Variants in TCERG1L observed in about 807,000 individuals in gnomAD.
TCERG1L encodes the protein transcription elongation regulator 1-like protein.
Under a neutral mutation model 56.3 loss-of-function variants are expected in TCERG1L, and 37 were observed. The ratio of observed to expected loss-of-function variants is 0.66; its 90% CI spans 0.51 to 0.87. The LOEUF (loss-of-function observed/expected upper bound fraction) is 0.87. Ranked by LOEUF, TCERG1L falls within the 40% of genes least tolerant of loss-of-function variation. TCERG1L has a pLI of 0.00. For missense variants in TCERG1L, 799 were observed against 774.2 expected (o/e 1.03, Z -0.38); for synonymous variants, 324 against 326.3 (o/e 0.99, Z 0.08).
intron 4 of TCERG1L, among the ~76,000 whole-genome samples, chr10:131,239,981 G>GAA (rs1845953521): frequency 6.6e-6 from 1 of 152,140 alleles, no homozygotes; most frequent in East Asian, 1.9e-4. Context: ...CTATCTGCTT[G>GAA]TTCAGGCACA....
chr10:131,225,878 C>G lies in TCERG1L; in HGVS notation c.856+34381G>C, dbSNP rs78645581. Among the ~76,000 whole-genome samples the G allele has an allele frequency of 9.4e-3, 1,430 of 152,262 alleles. 30 individuals are homozygous for G. The highest frequency in any genetic ancestry group is 0.076 in the East Asian group (393 of 5,168). ...TTCAGTCATCTTAATGATATGAAAC[C>G]ACTTGAAAAATACACATCTCAGAGC... On this transcript the variant is annotated intron_variant, in intron 4 of 11. Coordinates refer to ENST00000368642, the MANE Select transcript of TCERG1L (RefSeq NM_174937.4).
chr10:131,205,247 T>C (rs1349330955), intron 4 of TCERG1L, among the ~76,000 whole-genome samples: 1 of 152,100 alleles, frequency 6.6e-6, no homozygotes, highest in East Asian at 1.9e-4. Context: ...AATTAACCAG[T>C]GACGTGCACG....
intron 4 of TCERG1L, among the ~76,000 whole-genome samples, chr10:131,198,536 A>G (rs1408389971): frequency 2.0e-5 from 3 of 152,238 alleles, no homozygotes; most frequent in Non-Finnish European, 4.4e-5. Context: ...CACCGTCCGG[A>G]GGCTGGGAAG....
At chr10:131,227,048 G>A (rs1158408605) in intron 4 of TCERG1L, among the ~76,000 whole-genome samples, 1 of 152,254 alleles carries the variant, frequency 6.6e-6, no homozygotes, top group African/African-American at 2.4e-5. Context: ...ACAACAGCAA[G>A]GCTGAAAATC....
intron 3 of TCERG1L, among the ~76,000 whole-genome samples, chr10:131,293,759 T>C (rs147205133): frequency 1.3e-5 from 2 of 152,364 alleles, no homozygotes; most frequent in East Asian, 3.9e-4. Flanking sequence ...AAGCCACATT[T>C]CATGTTTCTT....
At chr10:131,121,826 G>T (rs1228089599) in intron 8 of TCERG1L, among the ~76,000 whole-genome samples, 1 of 152,200 alleles carries the variant, frequency 6.6e-6, no homozygotes, top group African/African-American at 2.4e-5. Flanking sequence ...GTGATGAGCT[G>T]TGAGGCCCAG....
intron 3 of TCERG1L, among the ~76,000 whole-genome samples, chr10:131,262,765 C>G (rs764534100): frequency 1.3e-5 from 2 of 152,146 alleles, no homozygotes; most frequent in Non-Finnish European, 2.9e-5. Context: ...ATTGTACCAC[C>G]ACTGTGGTAT....
chr10:131,204,566 T>C (rs1057143762), intron 4 of TCERG1L, among the ~76,000 whole-genome samples: 2 of 152,216 alleles, frequency 1.3e-5, no homozygotes, highest in Admixed American at 1.3e-4. Context: ...CCAGCAGCGG[T>C]GGCCACAGTC....
At chr10:131,259,451 A>G (rs1846210275) in intron 4 of TCERG1L, among the ~76,000 whole-genome samples, 1 of 152,196 alleles carries the variant, frequency 6.6e-6, no homozygotes, top group Admixed American at 6.5e-5. Flanking sequence ...TGTCATTCCA[A>G]ATTAATGGTG....
In TCERG1L at chr10:131,309,252, G is replaced by C; in HGVS notation, c.390C>G (p.Ser130=). ...GGAAGACGGGCACCAGCTCCACTGTGGAAGAGGGGGGCAGTCCTAGGGACG... is the reference window on the plus strand; with the variant it reads ...GGAAGACGGGCACCAGCTCCACTGTCGAAGAGGGGGGCAGTCCTAGGGACG... ...HSPSLGLPPS[S]TVELVPVFPH... Residue 130 remains serine, a synonymous_variant, in exon 2 of 12, where the codon TCC becomes TCG. Transcript: ENST00000368642. 6.2e-7 allele frequency: 1 copy of C among 1,604,990 alleles called. No homozygotes were observed. Among genetic ancestry groups the C allele is most frequent in the Non-Finnish European group, 8.5e-7 (1 of 1,177,106 alleles).
chr10:131,137,312 C>A (rs117841908), intron 7 of TCERG1L, among the ~76,000 whole-genome samples: 3,347 of 152,314 alleles, frequency 0.022, 47 homozygotes, highest in Middle Eastern at 0.041. Flanking sequence ...TGTGCCCTCC[C>A]GGTTTTCCCT....
chr10:131,103,687 T>C lies in TCERG1L; in HGVS notation c.1485+578A>G, dbSNP rs924501657. Reference sequence around the variant, plus strand: ...GCCTGGGCAACAGAGTCAGATCCTGTCTAAAATAAAATGAAATAAAATAAA... The same window carrying C: ...GCCTGGGCAACAGAGTCAGATCCTGCCTAAAATAAAATGAAATAAAATAAA... On this transcript the variant is annotated intron_variant, in intron 10 of 11. Transcript: ENST00000368642. The surrounding 1 kb of genome is among the most constrained non-coding windows in gnomAD (Gnocchi z 4.3). Among the ~76,000 whole-genome samples, 2 of 152,160 alleles carry C rather than the reference T, an allele frequency of 1.3e-5. No individual in the cohort carries two copies. The highest frequency in any genetic ancestry group is 4.8e-5 in the African/African-American group (2 of 41,424).
intron 5 of TCERG1L, among the ~76,000 whole-genome samples, chr10:131,164,621 C>T (rs977180280): frequency 2.0e-5 from 3 of 152,094 alleles, no homozygotes; most frequent in African/African-American, 4.8e-5. Flanking sequence ...TGTTCTCTCT[C>T]TGGGAAAATT....
intron 3 of TCERG1L, among the ~76,000 whole-genome samples, chr10:131,269,812 G>A (rs1321329219): frequency 1.3e-5 from 2 of 152,090 alleles, no homozygotes; most frequent in African/African-American, 4.8e-5. Context: ...TTCCCACCTG[G>A]GGTTGCCACA....
intron 6 of TCERG1L, among the ~76,000 whole-genome samples, chr10:131,149,135 G>A (rs1034185957): frequency 2.0e-4 from 31 of 152,354 alleles, no homozygotes; most frequent in African/African-American, 6.7e-4. Flanking sequence ...ATGGGGGGTG[G>A]AATGGGAATT....
At chr10:131,158,771 G>A (rs1845948022) in intron 6 of TCERG1L, among the ~76,000 whole-genome samples, 1 of 152,210 alleles carries the variant, frequency 6.6e-6, no homozygotes, top group Non-Finnish European at 1.5e-5. Context: ...GTCTCTGAGT[G>A]CCAAGCGGAC....
intron 9 of TCERG1L, among the ~76,000 whole-genome samples, 189 bp from the exon 10 acceptor site, chr10:131,104,543 C>G (rs2133382078): frequency 6.6e-6 from 1 of 152,318 alleles, no homozygotes; most frequent in African/African-American, 2.4e-5. Flanking sequence ...ACTAGAACAT[C>G]AGAAAATTTA....
At chr10:131,209,834 T>C (rs1473050510) in intron 4 of TCERG1L, among the ~76,000 whole-genome samples, 2 of 152,326 alleles carry the variant, frequency 1.3e-5, no homozygotes, top group East Asian at 3.9e-4. Flanking sequence ...AAGAAGACTT[T>C]GTAATATTAA....
chr10:131,163,055 A>T, intron 6 of TCERG1L, 67 bp downstream of exon 6: 6 of 1,252,210 alleles, frequency 4.8e-6, no homozygotes, highest in Non-Finnish European at 6.5e-6. Flanking sequence ...CTCTTTGGTG[A>T]CATCAGGCAA....
Sources: allele counts gnomAD v4.1 joint callset (sites outside exome capture counted in the v4.1 genomes callset), GRCh38; gene constraint gnomAD v4.1.1; non-coding constraint Gnocchi (gnomAD v3.1); transcripts MANE v1.5; gene names NCBI Gene and HGNC (gene_info 2026-07-23, HGNC 2026-07-21).